CEP112: variants seen among roughly 807,000 people sequenced by gnomAD.
The protein encoded by CEP112 is centrosomal protein of 112 kDa.
Under a neutral mutation model 153.0 loss-of-function variants are expected in CEP112, and 127 were observed. The observed-to-expected ratio is 0.83, with a 90% CI of 0.72 to 0.96. The LOEUF (loss-of-function observed/expected upper bound fraction) is 0.96. Ranked by LOEUF, CEP112 falls within the 40% of genes least tolerant of loss-of-function variation. CEP112 has a pLI of 0.00. For missense variants in CEP112, 1,089 were observed against 1,101.2 expected (o/e 0.99, Z 0.16); for synonymous variants, 358 against 374.4 (o/e 0.96, Z 0.51).
intron 20 of CEP112, among the ~76,000 whole-genome samples, chr17:65,893,925 T>C (rs1239739668): frequency 6.6e-6 from 1 of 152,096 alleles, no homozygotes; most frequent in African/African-American, 2.4e-5. Context: ...TTTGATGATA[T>C]CACCATTTTG....
chr17:66,188,326 C>CACA (rs2073023021), intron 1 of CEP112, among the ~76,000 whole-genome samples: 1 of 147,332 alleles, frequency 6.8e-6, no homozygotes, highest in Admixed American at 6.8e-5. Context: ...CACACACACA[C>CACA]TTTGCCTAAC....
At chr17:65,901,724 T>C (rs1185565837) in intron 20 of CEP112, among the ~76,000 whole-genome samples, 1 of 151,762 alleles carries the variant, frequency 6.6e-6, no homozygotes, top group Non-Finnish European at 1.5e-5. Flanking sequence ...ACAGCAACAC[T>C]AGGAAGGAAA....
intron 4 of CEP112, among the ~76,000 whole-genome samples, chr17:66,170,865 T>C (rs1466157174): frequency 6.6e-6 from 1 of 152,074 alleles, no homozygotes; most frequent in Non-Finnish European, 1.5e-5. Flanking sequence ...GTTTTTCTTA[T>C]AGAAAATATG....
At chr17:66,167,809 G>C (rs1433092415) in intron 4 of CEP112, among the ~76,000 whole-genome samples, 1 of 152,134 alleles carries the variant, frequency 6.6e-6, no homozygotes, top group South Asian at 2.1e-4. Flanking sequence ...AAATACAAAA[G>C]GGCAATGATG....
intron 21 of CEP112, among the ~76,000 whole-genome samples, chr17:65,784,029 T>C (rs1004430585): frequency 6.6e-6 from 1 of 152,222 alleles, no homozygotes; most frequent in Non-Finnish European, 1.5e-5. Flanking sequence ...GACTGAGGTT[T>C]AGCAATGTAG....
chr17:66,124,664 C>T (rs889049959), intron 6 of CEP112, among the ~76,000 whole-genome samples: 4 of 152,130 alleles, frequency 2.6e-5, no homozygotes, highest in Non-Finnish European at 2.9e-5. Flanking sequence ...GCCTGCTACA[C>T]AATCCCTCAA....
intron 20 of CEP112, among the ~76,000 whole-genome samples, chr17:65,857,270 A>G (rs1451830502): frequency 6.6e-6 from 1 of 152,248 alleles, no homozygotes. Flanking sequence ...AAACAGAACA[A>G]CAACAACAAA....
At chr17:65,743,286 T>C in intron 22 of CEP112, 69 bp from the exon 23 acceptor site, 1 of 1,231,180 alleles carries the variant, frequency 8.1e-7, no homozygotes, top group East Asian at 2.4e-5. Flanking sequence ...TATGTATTGA[T>C]GCTTAACAAA....
intron 8 of CEP112, among the ~76,000 whole-genome samples, chr17:66,093,656 C>T (rs930233043): frequency 6.7e-6 from 1 of 148,360 alleles, no homozygotes; most frequent in African/African-American, 2.5e-5. Context: ...AACTGTAAAA[C>T]ACTGATAAAA....
chr17:65,918,038 G>C (rs866811797), intron 19 of CEP112, among the ~76,000 whole-genome samples: 2 of 151,990 alleles, frequency 1.3e-5, no homozygotes, highest in South Asian at 2.1e-4. Flanking sequence ...AAATTAGCCA[G>C]GCGTGGTGGC....
intron 18 of CEP112, among the ~76,000 whole-genome samples, chr17:65,956,187 C>T (rs1207761130): frequency 6.6e-6 from 1 of 152,054 alleles, no homozygotes; most frequent in African/African-American, 2.4e-5. Context: ...ATGGAAAACA[C>T]TGTAGAGATT....
chr17:65,871,270 T>G (rs1161552206), intron 20 of CEP112, among the ~76,000 whole-genome samples: 1 of 152,216 alleles, frequency 6.6e-6, no homozygotes, highest in East Asian at 1.9e-4. Flanking sequence ...CTTCTTATCA[T>G]GACTTCTAAC....
chr17:65,809,021 T>C (rs1173778840), intron 21 of CEP112, among the ~76,000 whole-genome samples: 1 of 152,148 alleles, frequency 6.6e-6, no homozygotes, highest in Non-Finnish European at 1.5e-5. Context: ...CCTTACCAGA[T>C]GTAGCACCTT....
intron 24 of CEP112, among the ~76,000 whole-genome samples, chr17:65,672,373 A>T (rs2047027913): frequency 6.6e-6 from 1 of 152,248 alleles, no homozygotes; most frequent in Non-Finnish European, 1.5e-5. Context: ...TAAGACAATC[A>T]GTGGGATTAA....
intron 8 of CEP112, among the ~76,000 whole-genome samples, chr17:66,083,879 A>G (rs2067819438): frequency 6.6e-6 from 1 of 152,214 alleles, no homozygotes; most frequent in East Asian, 1.9e-4. Flanking sequence ...CAACAAAAAA[A>G]GAACTAACAT....
chr17:65,828,216 T>C (rs1179298192), intron 21 of CEP112, among the ~76,000 whole-genome samples: 1 of 152,174 alleles, frequency 6.6e-6, no homozygotes, highest in Non-Finnish European at 1.5e-5. Context: ...CCAGTACCTG[T>C]TCTTCATTTC....
intron 21 of CEP112, among the ~76,000 whole-genome samples, chr17:65,754,745 C>T (rs906077869): frequency 9.2e-5 from 14 of 152,156 alleles, no homozygotes; most frequent in East Asian, 1.9e-4. Context: ...AGGTCCTGCA[C>T]GGTGTTGAAC....
chr17:65,901,988 G>A (rs1465351977), intron 20 of CEP112, among the ~76,000 whole-genome samples, 164 bp downstream of exon 20: 21 of 43,456 alleles, frequency 4.8e-4, no homozygotes, highest in Non-Finnish European at 8.7e-4. Flanking sequence ...CAAAACGGGG[G>A]GGGGGGGGGG....
chr17:65,909,599 C>T (rs1336829558), intron 19 of CEP112, among the ~76,000 whole-genome samples: 1 of 152,156 alleles, frequency 6.6e-6, no homozygotes, highest in African/African-American at 2.4e-5. Context: ...ACCAATGCCT[C>T]ATACTGAACA....
Sources: gnomAD v4.1 joint callset for allele counts (sites outside exome capture counted in the v4.1 genomes callset) on GRCh38, gnomAD v4.1.1 for gene constraint, MANE v1.5 for transcripts, NCBI Gene and HGNC (gene_info 2026-07-23, HGNC 2026-07-21) for gene names.